PRDM2: variants seen among roughly 807,000 people sequenced by gnomAD.
PRDM2 encodes PR/SET domain 2, also known as PR domain zinc finger protein 2.
A neutral mutation model predicts 130.0 loss-of-function variants in PRDM2; 30 were observed. The observed-to-expected ratio is 0.23, with a 90% CI of 0.17 to 0.31. The LOEUF (loss-of-function observed/expected upper bound fraction) is 0.31. PRDM2 is among the 10% of genes least tolerant of loss of function. PRDM2 has a pLI of 1.00. For synonymous variants in PRDM2, 871 were observed against 782.4 expected, an observed-to-expected ratio of 1.11 and a Z score of -1.89; for missense variants, 2,011 against 2,108.4, an observed-to-expected ratio of 0.95 and a Z score of 0.90.
intron 8 of PRDM2, among the ~76,000 whole-genome samples, chr1:13,791,404 CT>C (rs779694134): frequency 4.6e-5 from 7 of 152,206 alleles, no homozygotes; most frequent in Non-Finnish European, 1.0e-4. Context: ...GGCAACGTGA[CT>C]GTTTAACAGA....
At position 13,798,451 on chromosome 1, in the gene PRDM2, T is replaced by C. The variant is rs552579215; in HGVS notation, c.5036+15620T>C. 2.5e-4 allele frequency among the ~76,000 whole-genome samples: 37 copies of C among 150,016 alleles called. No homozygotes were observed. The South Asian group carries it at 3.6e-3, about 15-fold the overall frequency. The stretch of plus-strand genomic sequence containing the variant: ...AGTCCTTAAGGTTAAGAATGCATAA[T>C]GAAAGCCAATCAGTAACCCATAGAG... On this transcript the variant is annotated intron_variant, in intron 8 of 9. Coordinates refer to ENST00000311066, the MANE Select transcript of PRDM2 (RefSeq NM_001393986.1).
At chr1:13,818,351 C>G (rs1411344794) in intron 9 of PRDM2, among the ~76,000 whole-genome samples, 2 of 151,298 alleles carry the variant, frequency 1.3e-5, no homozygotes, top group African/African-American at 2.4e-5. Flanking sequence ...GCCTGCCCTC[C>G]AACCCCAAGA....
At chr1:13,717,071 ACTTT>A (rs1196966322) in intron 2 of PRDM2, among the ~76,000 whole-genome samples, 1 of 152,232 alleles carries the variant, frequency 6.6e-6, no homozygotes, top group Non-Finnish European at 1.5e-5. Flanking sequence ...TGATTTCATT[ACTTT>A]CTTTATCAGA....
At chr1:13,767,055 G>A (rs1242005609) in intron 6 of PRDM2, among the ~76,000 whole-genome samples, 1 of 152,128 alleles carries the variant, frequency 6.6e-6, no homozygotes, top group Non-Finnish European at 1.5e-5. Flanking sequence ...CATATCCCAG[G>A]CATCAGTGGT....
intron 2 of PRDM2, among the ~76,000 whole-genome samples, chr1:13,725,037 G>A (rs1443556597): frequency 6.6e-6 from 1 of 152,276 alleles, no homozygotes; most frequent in African/African-American, 2.4e-5. Context: ...AGCCCTGAGA[G>A]GGGAGGTACG....
At chr1:13,731,838 A>C (rs1389602959) in intron 3 of PRDM2, among the ~76,000 whole-genome samples, 1 of 152,206 alleles carries the variant, frequency 6.6e-6, no homozygotes, top group Non-Finnish European at 1.5e-5. Flanking sequence ...TATGTATGAA[A>C]AAATTTTAAT....
chr1:13,719,839 A>G (rs1311123235), intron 2 of PRDM2, among the ~76,000 whole-genome samples: 1 of 152,124 alleles, frequency 6.6e-6, no homozygotes, highest in African/African-American at 2.4e-5. Flanking sequence ...CTTGTTTGCA[A>G]ATCTATACAA....
chr1:13,757,961 A>G (rs1439274832), intron 6 of PRDM2, among the ~76,000 whole-genome samples: 1 of 151,892 alleles, frequency 6.6e-6, no homozygotes, highest in African/African-American at 2.4e-5. Flanking sequence ...TAACCTATCC[A>G]TGTGTGCTCT....
At chr1:13,822,783 C>T (rs930164063) in intron 9 of PRDM2, among the ~76,000 whole-genome samples, 4 of 152,086 alleles carry the variant, frequency 2.6e-5, no homozygotes, top group Non-Finnish European at 4.4e-5. Context: ...CACAAACACT[C>T]GGTGGAAAAA....
At position 13,781,995 on chromosome 1, in the gene PRDM2, C is replaced by T; in HGVS notation, c.4200C>T (p.Pro1400=). ...ATGCCTTCCGACGAATGGGACAGCC[C>T]AAAAGGCTTAACTTTAGTGTTGAGC... ...GKNAFRRMGQ[P]KRLNFSVELS... Residue 1400 remains proline (P), a synonymous_variant, in exon 8 of 10, where the codon CCC becomes CCT. Coordinates refer to ENST00000311066, the MANE Select transcript of PRDM2 (RefSeq NM_001393986.1). This position sits in a 1 kb window ranked among gnomAD's most constrained non-coding sequence, Gnocchi z 6.1. 6.2e-7 allele frequency: 1 copy of T among 1,614,056 alleles called. No individual in the cohort carries two copies. Among genetic ancestry groups the T allele is most frequent in the South Asian group, 1.1e-5 (1 of 91,076 alleles).
chr1:13,777,617 A>C, intron 7 of PRDM2, among the ~76,000 whole-genome samples: 1 of 110,632 alleles, frequency 9.0e-6, no homozygotes, highest in Admixed American at 1.0e-4. Flanking sequence ...TCCTCTATCC[A>C]GTAGGGCTCC....
intron 5 of PRDM2, among the ~76,000 whole-genome samples, chr1:13,749,154 G>A (rs1428086158): frequency 2.6e-5 from 4 of 151,808 alleles, no homozygotes; most frequent in African/African-American, 7.2e-5. Context: ...CCACGCCGCG[G>A]GTGCGGTCCT....
At chr1:13,724,219 AT>A (rs1642831904) in intron 2 of PRDM2, among the ~76,000 whole-genome samples, 1 of 152,014 alleles carries the variant, frequency 6.6e-6, no homozygotes, top group African/African-American at 2.4e-5. Context: ...TTTTTTCTCC[AT>A]TCCCTGCAGG....
chr1:13,821,722 C>T (rs1645355009), intron 9 of PRDM2, among the ~76,000 whole-genome samples: 1 of 152,170 alleles, frequency 6.6e-6, no homozygotes, highest in Non-Finnish European at 1.5e-5. Context: ...CCACCTCAGC[C>T]TCCCAAAGTG....
In PRDM2 at chr1:13,754,860, T is replaced by G. The variant is rs189499532; in HGVS notation, c.511+5373T>G. Among the ~76,000 whole-genome samples the G allele has an allele frequency of 3.3e-5, 5 of 152,304 alleles. No individual in the cohort carries two copies. In the East Asian group the frequency reaches 9.7e-4, roughly 29 times the overall value. Reference sequence around the variant, plus strand: ...GTGGAGTGCTTGGACATGGCAGTATTCCTGTGTCTGGCTTTTTGCTGGCAA... The same window carrying G: ...GTGGAGTGCTTGGACATGGCAGTATGCCTGTGTCTGGCTTTTTGCTGGCAA... On this transcript the variant is annotated intron_variant, in intron 6 of 9. Transcript: ENST00000311066.
Position 13,778,834 on chromosome 1 carries a change from A to G in PRDM2, c.1039A>G (p.Lys347Glu). 3 of 1,614,202 alleles carry G rather than the reference A, an allele frequency of 1.9e-6. No individual in the cohort carries two copies. Among genetic ancestry groups the G allele is most frequent in the East Asian group, 2.2e-5 (1 of 44,884 alleles). The stretch of plus-strand genomic sequence containing the variant: ...ACCTGCCATGCAAATCCCCAGAACT[A>G]AAGAAGAGGCCAATGGTGATGTATT... ...VTPAMQIPRTKEEANGDVFET... is the reference protein window; with the variant it reads ...VTPAMQIPRTEEEANGDVFET... Residue 347 changes from lysine (K) to glutamate (E), a missense_variant, in exon 8 of 10, where the codon AAA becomes GAA. Around this residue, in one of 5 missense-constraint regions of PRDM2, gnomAD observed 1,288 missense variants for 1,237.7 expected, o/e 1.04. Transcript: ENST00000311066.
rs1456605671 is a variant in PRDM2, at chr1:13,749,468, C to G, written c.492C>G (p.Ser164Arg). ...EERASARSKR[S>R]SPKSRKGKKK... is the part of the protein sequence containing the mutation. The stretch of plus-strand genomic sequence containing the variant: ...GAGCCAGCGCCCGGAGCAAGCGGAG[C>G]TCCCCCAAGAGCCGGAAAGGTAGGA... The change falls in exon 6 of 10, where the codon AGC becomes AGG. Residue 164 changes from serine (S) to arginine (R), a missense_variant. By Grantham distance (110) the Ser-to-Arg change is moderately radical. This residue lies in a region of PRDM2 where 1,288 missense variants were observed against 1,237.7 expected (regional missense o/e 1.04). Coordinates refer to ENST00000311066, the MANE Select transcript of PRDM2 (RefSeq NM_001393986.1). 6.7e-7 allele frequency: 1 copy of G among 1,487,528 alleles called. No homozygotes were observed. The highest frequency in any genetic ancestry group is 1.2e-5 in the South Asian group (1 of 86,580). 92.1% of individuals were successfully genotyped at this position (1,487,528 alleles called of 1,614,324 possible).
chr1:13,747,769 C>CAAAAAAAAAAAAAAAAAAAAAAA, intron 5 of PRDM2, among the ~76,000 whole-genome samples: 2 of 48,396 alleles, frequency 4.1e-5, no homozygotes, highest in African/African-American at 6.8e-5. Context: ...TCCCTCCCCG[C>CAAAAAAAAAAAAAAAAAAAAAAA]AAAAAAAAAA....
intron 2 of PRDM2, among the ~76,000 whole-genome samples, chr1:13,725,297 C>T (rs1265960208): frequency 2.0e-5 from 3 of 152,152 alleles, no homozygotes; most frequent in Non-Finnish European, 2.9e-5. Context: ...TTCCGCCTCC[C>T]GGGTTCAAGT....
Sources: gnomAD v4.1 joint callset for allele counts (sites outside exome capture counted in the v4.1 genomes callset) on GRCh38, gnomAD v4.1.1 for gene constraint, gnomAD v4.1.1 regional missense constraint, Gnocchi (gnomAD v3.1) non-coding constraint, MANE v1.5 for transcripts, NCBI Gene and HGNC (gene_info 2026-07-23, HGNC 2026-07-21) for gene names.